The following CYTH1 variants were observed in gnomAD, a reference collection of about 807,000 sequenced individuals.
The protein encoded by CYTH1 is cytohesin 1.
A neutral mutation model predicts 61.8 loss-of-function variants in CYTH1; 18 were observed. That is an observed-to-expected ratio of 0.29 (90% CI 0.20 to 0.43). The LOEUF is 0.43. Ranked by LOEUF, CYTH1 falls within the 20% of genes least tolerant of loss-of-function variation. CYTH1 has a pLI of 1.00. For missense variants in CYTH1, 336 were observed against 510.5 expected (o/e 0.66, Z 3.29); for synonymous variants, 174 against 184.3 (o/e 0.94, Z 0.45).
intron 8 of CYTH1, 22 bp from the exon 9 acceptor site, chr17:78,698,402 T>C: frequency 1.9e-6 from 3 of 1,549,580 alleles, no homozygotes; most frequent in Non-Finnish European, 2.7e-6. Context: ...GATGACAATT[T>C]ATGTCTCTGA....
intron 1 of CYTH1, among the ~76,000 whole-genome samples, chr17:78,766,481 A>T (rs1446733518): frequency 6.6e-6 from 1 of 152,212 alleles, no homozygotes; most frequent in Non-Finnish European, 1.5e-5. Context: ...AGTTTACCAG[A>T]GTCCCTGGAA....
At chr17:78,703,411 CAAAAAAAAAAA>C (rs67437891) in intron 3 of CYTH1, among the ~76,000 whole-genome samples, 3 of 69,690 alleles carry the variant, frequency 4.3e-5, no homozygotes, top group Non-Finnish European at 7.8e-5. Context: ...ACTCCGTCTC[CAAAAAAAAAAA>C]AAAAAAAAAA....
intron 1 of CYTH1, among the ~76,000 whole-genome samples, chr17:78,712,958 C>T (rs1371274874): frequency 6.6e-6 from 1 of 151,960 alleles, no homozygotes. Flanking sequence ...AGTCCCATTC[C>T]TGTGTCAAGA....
At chr17:78,696,602 A>C (rs2092941497) in intron 9 of CYTH1, 1 of 152,396 alleles carries the variant, frequency 6.6e-6, no homozygotes, top group Non-Finnish European at 1.5e-5. Flanking sequence ...AAAACACAAT[A>C]TTCAGAGTCT....
intron 3 of CYTH1, among the ~76,000 whole-genome samples, chr17:78,704,546 G>A (rs1365329742): frequency 6.6e-6 from 1 of 152,098 alleles, no homozygotes; most frequent in Non-Finnish European, 1.5e-5. Flanking sequence ...TTACAGGCAG[G>A]GTCTTGCTCT....
intron 1 of CYTH1, among the ~76,000 whole-genome samples, chr17:78,779,432 A>C (rs1157194700): frequency 6.6e-6 from 1 of 151,034 alleles, no homozygotes; most frequent in East Asian, 1.9e-4. Flanking sequence ...AAGAAAGGGG[A>C]AGAATAAACT....
At chr17:78,711,499 T>C (rs1001520194) in intron 1 of CYTH1, among the ~76,000 whole-genome samples, 8 of 152,086 alleles carry the variant, frequency 5.3e-5, no homozygotes, top group African/African-American at 7.2e-5. Context: ...CTAGACAGCA[T>C]AGAGTTGGAA....
intron 1 of CYTH1, among the ~76,000 whole-genome samples, chr17:78,734,106 C>T (rs1397499275): frequency 6.6e-6 from 1 of 151,896 alleles, no homozygotes; most frequent in Non-Finnish European, 1.5e-5. Flanking sequence ...AAAAATTAGC[C>T]GGGTGTGGTG....
intron 10 of CYTH1, among the ~76,000 whole-genome samples, chr17:78,694,696 C>T (rs1029227738): frequency 3.3e-5 from 5 of 151,820 alleles, no homozygotes; most frequent in Admixed American, 3.3e-4. Context: ...GGGAACCCTT[C>T]GGACATAGGA....
At chr17:78,689,589 G>T (rs569580792) in intron 11 of CYTH1, among the ~76,000 whole-genome samples, 1 of 152,254 alleles carries the variant, frequency 6.6e-6, no homozygotes, top group South Asian at 2.1e-4. Context: ...CTCACCTCCC[G>T]CTGTGTGGCC....
chr17:78,711,147 A>G (rs968799154), intron 1 of CYTH1, among the ~76,000 whole-genome samples: 1 of 151,868 alleles, frequency 6.6e-6, no homozygotes, highest in African/African-American at 2.4e-5. Context: ...CTGTAGTCCC[A>G]GCTACTCGGG....
chr17:78,777,954 C>T (rs572343825), intron 1 of CYTH1, among the ~76,000 whole-genome samples: 16 of 152,154 alleles, frequency 1.1e-4, no homozygotes, highest in East Asian at 9.6e-4. Flanking sequence ...TTGAAAACAG[C>T]GCACACACAA....
chr17:78,778,233 G>A (rs1004630982), intron 1 of CYTH1, among the ~76,000 whole-genome samples: 16 of 148,278 alleles, frequency 1.1e-4, no homozygotes, highest in Admixed American at 3.4e-4. Flanking sequence ...CCAGGAGGTG[G>A]AAGCTGCAGG....
At chr17:78,742,087 C>G (rs575824704) in intron 1 of CYTH1, among the ~76,000 whole-genome samples, 2 of 152,320 alleles carry the variant, frequency 1.3e-5, no homozygotes, top group South Asian at 4.1e-4. Flanking sequence ...TTCCTTATAT[C>G]CTGTAAAATG....
chr17:78,733,514 T>C (rs761895290), intron 1 of CYTH1, among the ~76,000 whole-genome samples: 2 of 152,230 alleles, frequency 1.3e-5, no homozygotes, highest in African/African-American at 4.8e-5. Flanking sequence ...TTACTGAGCA[T>C]CTGCCATAGG....
intron 1 of CYTH1, among the ~76,000 whole-genome samples, chr17:78,776,111 C>T (rs551606576): frequency 3.9e-5 from 6 of 152,176 alleles, no homozygotes; most frequent in African/African-American, 1.4e-4. Flanking sequence ...GCTAAGATCA[C>T]GCCACTGCAC....
intron 1 of CYTH1, among the ~76,000 whole-genome samples, chr17:78,771,891 C>G (rs2093472870): frequency 6.6e-6 from 1 of 152,116 alleles, no homozygotes; most frequent in Non-Finnish European, 1.5e-5. Flanking sequence ...TCACGCTATC[C>G]TGGATAATGA....
chr17:78,782,071 C>T (rs1598937924), intron 1 of CYTH1, 131 bp downstream of exon 1: 8 of 819,042 alleles, frequency 9.8e-6, no homozygotes, highest in African/African-American at 3.7e-5. Context: ...GCCCGCCGGT[C>T]GCCCCGGGCT....
At chr17:78,728,259 A>G (rs1471038454) in intron 1 of CYTH1, among the ~76,000 whole-genome samples, 1 of 152,172 alleles carries the variant, frequency 6.6e-6, no homozygotes, top group Non-Finnish European at 1.5e-5. Flanking sequence ...TAAAAACATT[A>G]TTTACGCCGG....
Sources: gnomAD v4.1 joint callset for allele counts (sites outside exome capture counted in the v4.1 genomes callset) on GRCh38, gnomAD v4.1.1 for gene constraint, MANE v1.5 for transcripts, NCBI Gene and HGNC (gene_info 2026-07-23, HGNC 2026-07-21) for gene names.